The following ANTXR2 variants were observed in gnomAD, a reference collection of about 807,000 sequenced individuals.
The protein encoded by ANTXR2 is anthrax toxin receptor 2.
A neutral mutation model predicts 73.7 loss-of-function variants in ANTXR2; 44 were observed. The ratio of observed to expected loss-of-function variants is 0.60; its 90% CI spans 0.47 to 0.77. The LOEUF is 0.77. Among genes scored for constraint, ANTXR2 ranks in the 30% least tolerant of loss-of-function variants. ANTXR2 has a pLI of 0.00. For missense variants in ANTXR2, 604 were observed against 592.5 expected (o/e 1.02, Z -0.20); for synonymous variants, 217 against 205.9 (o/e 1.05, Z -0.46).
intron 3 of ANTXR2, 127 bp from the exon 4 acceptor site, chr4:80,056,140 C>T: frequency 1.8e-6 from 1 of 547,496 alleles, no homozygotes; most frequent in Non-Finnish European, 3.0e-6. Context: ...AGAACATGGG[C>T]TTTGAAGGCA....
intron 10 of ANTXR2, among the ~76,000 whole-genome samples, chr4:80,025,481 A>G (rs931645678): frequency 6.6e-6 from 1 of 152,204 alleles, no homozygotes; most frequent in Non-Finnish European, 1.5e-5. Context: ...AAAATTAAAT[A>G]AAATTGTGAA....
At chr4:79,975,741 C>G (rs141196244) in intron 16 of ANTXR2, among the ~76,000 whole-genome samples, 60 of 152,134 alleles carry the variant, frequency 3.9e-4, no homozygotes, top group Middle Eastern at 3.4e-3. Context: ...AACAGAACTC[C>G]AGATCACAGA....
At chr4:80,041,382 T>C (rs1001457219) in intron 7 of ANTXR2, among the ~76,000 whole-genome samples, 3 of 152,106 alleles carry the variant, frequency 2.0e-5, no homozygotes, top group African/African-American at 7.2e-5. Context: ...ATCTGGCTTA[T>C]TCCTTATCCT....
At chr4:80,071,503 T>C (rs1009876797) in intron 2 of ANTXR2, 80 bp downstream of exon 2, 19 of 1,240,740 alleles carry the variant, frequency 1.5e-5, no homozygotes, top group African/African-American at 3.0e-5. Flanking sequence ...AAGTTTTTCC[T>C]ATAAAAGGTT....
At chr4:79,987,686 G>A (rs138326404) in intron 12 of ANTXR2, among the ~76,000 whole-genome samples, 61 of 152,200 alleles carry the variant, frequency 4.0e-4, no homozygotes, top group Middle Eastern at 3.4e-3. Context: ...CAAAGTCAAC[G>A]CAAAGGAAAG....
intron 12 of ANTXR2, among the ~76,000 whole-genome samples, chr4:79,993,756 A>ACGCGCG (rs1422003416): frequency 1.3e-4 from 16 of 123,364 alleles, no homozygotes; most frequent in African/African-American, 5.0e-4. Flanking sequence ...ACACACACAC[A>ACGCGCG]CACGCACACA....
Position 80,043,541 on chromosome 4 carries a change from T to C in ANTXR2, c.637-7509A>G, listed in dbSNP as rs552558587. 3.3e-5 allele frequency among the ~76,000 whole-genome samples: 5 copies of C among 152,170 alleles called. No homozygotes were observed. The South Asian group carries it at 1.0e-3, about 32-fold the overall frequency. The stretch of plus-strand genomic sequence containing the variant: ...AATGACATTTTCTGTTGCTTCTAAC[T>C]GATCGTATAAAATTTTGATGCATTA... On this transcript the variant is annotated intron_variant, in intron 7 of 16. Transcript: ENST00000403729.
intron 11 of ANTXR2, among the ~76,000 whole-genome samples, chr4:80,015,894 AG>A (rs1358597862): frequency 1.2e-4 from 9 of 76,006 alleles, no homozygotes; most frequent in African/African-American, 5.2e-4. Flanking sequence ...AGGAAAGGAA[AG>A]GAAAGGAAAG....
intron 12 of ANTXR2, among the ~76,000 whole-genome samples, chr4:79,999,345 T>C (rs2110042396): frequency 6.6e-6 from 1 of 152,138 alleles, no homozygotes. Context: ...CTCCTCTTAC[T>C]AGGCCTCTCT....
At chr4:80,037,293 C>T (rs937948092) in intron 7 of ANTXR2, among the ~76,000 whole-genome samples, 10 of 152,134 alleles carry the variant, frequency 6.6e-5, no homozygotes, top group Non-Finnish European at 1.5e-4. Context: ...AGGAAATAGA[C>T]ATGCTTTCTG....
chr4:80,072,861 G>A lies in ANTXR2; in HGVS notation c.-301C>T, dbSNP rs1257810116. ...CCGGAGAGTTCCTGCAGACAATGCG[G>A]GCCCACGGCGACAGCTCGCGAAAGG... On this transcript the variant is annotated 5_prime_UTR_variant, in exon 1 of 17. Coordinates refer to ENST00000403729, the MANE Select transcript of ANTXR2 (RefSeq NM_058172.6). The A allele has an allele frequency of 8.4e-6, 4 of 478,294 alleles. No individual in the cohort carries two copies. The highest frequency in any genetic ancestry group is 9.8e-5 in the East Asian group (2 of 20,420). 29.6% of individuals were successfully genotyped at this position (478,294 alleles called of 1,614,324 possible).
chr4:79,959,254 T>C (rs891054868), intron 16 of ANTXR2, among the ~76,000 whole-genome samples: 1 of 152,104 alleles, frequency 6.6e-6, no homozygotes, highest in Admixed American at 6.6e-5. Flanking sequence ...TTTTGTATCA[T>C]CATCCTTAGC....
At chr4:79,959,917 T>C (rs1384430445) in intron 16 of ANTXR2, among the ~76,000 whole-genome samples, 1 of 152,200 alleles carries the variant, frequency 6.6e-6, no homozygotes, top group African/African-American at 2.4e-5. Context: ...CAATCAATGT[T>C]AGGAAGTCAG....
rs999193855 is a variant in ANTXR2, at chr4:80,019,045, T to C, written c.867-69A>G. On this transcript the variant is annotated intron_variant, in intron 10 of 16. Coordinates refer to ENST00000403729, the MANE Select transcript of ANTXR2 (RefSeq NM_058172.6). ...AGAGGAGTAGGAGATTTTTATTTCC[T>C]TATGTAATTCAAAACCAGCCAGAAA... The C allele has an allele frequency of 1.1e-4, 124 of 1,096,906 alleles. 1 individual carries two copies. In the African/African-American group the frequency reaches 1.9e-3, roughly 17 times the overall value. 67.9% of individuals were successfully genotyped at this position (1,096,906 alleles called of 1,614,324 possible). A position where few individuals can be genotyped will look rare whatever the true frequency, so the allele number is the denominator to read the frequency against.
intron 12 of ANTXR2, among the ~76,000 whole-genome samples, chr4:79,991,995 T>C (rs1221993083): frequency 2.6e-5 from 4 of 151,962 alleles, no homozygotes; most frequent in Admixed American, 2.6e-4. Context: ...GTTGAAAAAC[T>C]ACCCATCAGG....
At chr4:79,964,316 AG>A (rs1434766637) in intron 16 of ANTXR2, among the ~76,000 whole-genome samples, 1 of 152,224 alleles carries the variant, frequency 6.6e-6, no homozygotes, top group Non-Finnish European at 1.5e-5. Context: ...CAAATCAAAA[AG>A]GAGAACGCAT....
intron 7 of ANTXR2, among the ~76,000 whole-genome samples, chr4:80,047,206 T>A (rs947262966): frequency 1.4e-4 from 21 of 151,226 alleles, no homozygotes; most frequent in Admixed American, 4.0e-4. Context: ...AAATTTTTTT[T>A]AAAAAAAAGA....
At chr4:80,012,828 A>G (rs1374740774) in intron 11 of ANTXR2, among the ~76,000 whole-genome samples, 2 of 152,224 alleles carry the variant, frequency 1.3e-5, no homozygotes, top group Non-Finnish European at 2.9e-5. Context: ...CTGGGTCCAC[A>G]TAAGAAGAAG....
intron 16 of ANTXR2, among the ~76,000 whole-genome samples, chr4:79,943,955 G>T (rs1165337058): frequency 1.4e-5 from 2 of 146,754 alleles, no homozygotes; most frequent in Non-Finnish European, 3.0e-5. Flanking sequence ...CCATTTAGAT[G>T]AAGATGTTGA....
Sources: gnomAD v4.1 joint callset for allele counts (sites outside exome capture counted in the v4.1 genomes callset) on GRCh38, gnomAD v4.1.1 for gene constraint, MANE v1.5 for transcripts, NCBI Gene and HGNC (gene_info 2026-07-23, HGNC 2026-07-21) for gene names.